IGSF21: variants seen among roughly 807,000 people sequenced by gnomAD.
IGSF21 encodes immunoglobulin superfamily member 21.
IGSF21 carries 28 observed loss-of-function variants against 46.8 expected under a neutral mutation model. That is an observed-to-expected ratio of 0.60 (90% CI 0.44 to 0.82). The LOEUF is 0.82. Ranked by LOEUF, IGSF21 falls within the 40% of genes least tolerant of loss-of-function variation. The pLI, the probability that IGSF21 is intolerant of heterozygous loss-of-function variation, is 0.00. For missense variants in IGSF21, 624 were observed against 665.5 expected (o/e 0.94, Z 0.69); for synonymous variants, 284 against 273.6 (o/e 1.04, Z -0.38).
rs555575314 is a variant in IGSF21 at position 18,242,215 on chromosome 1, T to G, written c.183+14205T>G. ...CTACTCTGAGATGACACAGGCAGCA[T>G]GGTTCACCTACTCTCAGCACGGCAG... On this transcript the variant is annotated intron_variant, in intron 2 of 9. Coordinates refer to ENST00000251296, the MANE Select transcript of IGSF21 (RefSeq NM_032880.5). 1.6e-3 allele frequency among the ~76,000 whole-genome samples: 237 copies of G among 152,268 alleles called. 1 individual carries two copies. Among genetic ancestry groups the G allele is most frequent in the Middle Eastern group, 0.01 (3 of 294 alleles).
intron 1 of IGSF21, among the ~76,000 whole-genome samples, chr1:18,149,629 T>A (rs1194646913): frequency 6.6e-6 from 1 of 150,846 alleles, no homozygotes; most frequent in Non-Finnish European, 1.5e-5. Context: ...CCTGACAGCT[T>A]GGCCCAATAG....
At chr1:18,174,128 C>T (rs996044272) in intron 1 of IGSF21, among the ~76,000 whole-genome samples, 3 of 152,154 alleles carry the variant, frequency 2.0e-5, no homozygotes, top group South Asian at 2.1e-4. Flanking sequence ...CTGTGGCTTG[C>T]GGGGAATCAC....
At chr1:18,196,965 C>T (rs1344860520) in intron 1 of IGSF21, among the ~76,000 whole-genome samples, 1 of 152,188 alleles carries the variant, frequency 6.6e-6, no homozygotes, top group Non-Finnish European at 1.5e-5. Flanking sequence ...CCTCTCTTTT[C>T]CCGGCTTCCC....
At chr1:18,254,848 A>G (rs888294373) in intron 2 of IGSF21, among the ~76,000 whole-genome samples, 3 of 127,788 alleles carry the variant, frequency 2.3e-5, no homozygotes, top group East Asian at 2.8e-4. Context: ...TCTTCTATCC[A>G]TCCATCCATT....
intron 1 of IGSF21, among the ~76,000 whole-genome samples, chr1:18,226,137 G>A (rs2124505017): frequency 6.6e-6 from 1 of 152,324 alleles, no homozygotes; most frequent in East Asian, 1.9e-4. Context: ...CTTTCCGTGG[G>A]GTCTGTCCTC....
At chr1:18,169,439 A>G (rs1367666503) in intron 1 of IGSF21, among the ~76,000 whole-genome samples, 2 of 152,192 alleles carry the variant, frequency 1.3e-5, no homozygotes, top group East Asian at 3.8e-4. Flanking sequence ...TGGGATGCCA[A>G]CCGTGGTGCT....
intron 2 of IGSF21, among the ~76,000 whole-genome samples, chr1:18,237,327 G>A (rs1454647200): frequency 6.6e-6 from 1 of 152,146 alleles, no homozygotes; most frequent in Non-Finnish European, 1.5e-5. Context: ...AGGTCTGAAG[G>A]TATAAAGAAG....
intron 2 of IGSF21, among the ~76,000 whole-genome samples, chr1:18,229,594 C>T (rs993209720): frequency 6.6e-6 from 1 of 152,158 alleles, no homozygotes; most frequent in Non-Finnish European, 1.5e-5. Flanking sequence ...ATTCTAGTGC[C>T]CTCCACCCAA....
At chr1:18,319,450 T>C (rs223213) in intron 3 of IGSF21, among the ~76,000 whole-genome samples, 8,366 of 152,296 alleles carry the variant, frequency 0.055, 804 homozygotes, top group African/African-American at 0.19. Context: ...ATAGTAACTA[T>C]TACTATGAAA....
At chr1:18,361,194 T>G (rs577896233) in intron 4 of IGSF21, among the ~76,000 whole-genome samples, 1 of 152,162 alleles carries the variant, frequency 6.6e-6, no homozygotes, top group Non-Finnish European at 1.5e-5. Flanking sequence ...TTCAGTCTCT[T>G]CCAAATGCAA....
At chr1:18,359,774 G>A (rs1319568850) in intron 4 of IGSF21, among the ~76,000 whole-genome samples, 22 of 152,182 alleles carry the variant, frequency 1.4e-4, no homozygotes, top group African/African-American at 2.4e-5. Flanking sequence ...GTTCCTGATG[G>A]AATTTGATTA....
In IGSF21 at chr1:18,365,604, A is replaced by T; in HGVS notation, c.922A>T (p.Thr308Ser). 6.2e-7 allele frequency: 1 copy of T among 1,614,122 alleles called. No individual in the cohort carries two copies. Among genetic ancestry groups the T allele is most frequent in the South Asian group, 1.1e-5 (1 of 91,068 alleles). Residue 308 changes from threonine (T) to serine (S), a missense_variant, in exon 6 of 10, where the codon ACC becomes TCC. Thr to Ser is a moderately conservative substitution (Grantham distance 58). Coordinates refer to ENST00000251296, the MANE Select transcript of IGSF21 (RefSeq NM_032880.5). The surrounding 1 kb of genome is among the most constrained non-coding windows in gnomAD (Gnocchi z 4.8). ...GGAAGTACGTGCCCTGCTCACCTGG[A>T]CCCTCAACCCACAGATCGACAACGA... ...TVEVRALLTW[T>S]LNPQIDNEAL...
At chr1:18,231,265 A>G (rs2084623557) in intron 2 of IGSF21, among the ~76,000 whole-genome samples, 1 of 152,200 alleles carries the variant, frequency 6.6e-6, no homozygotes. Flanking sequence ...AACATCATGA[A>G]TGCATTGGAT....
chr1:18,216,079 C>T (rs907475172), intron 1 of IGSF21, among the ~76,000 whole-genome samples: 6 of 152,134 alleles, frequency 3.9e-5, no homozygotes, highest in Admixed American at 3.3e-4. Context: ...TGGGCTGTGA[C>T]TGAGATGTTT....
chr1:18,327,106 A>G (rs72938720), intron 3 of IGSF21, among the ~76,000 whole-genome samples: 262 of 152,304 alleles, frequency 1.7e-3, no homozygotes, highest in African/African-American at 6.1e-3. Flanking sequence ...GTAGCTCCCC[A>G]TTCTTCCTCT....
At chr1:18,173,461 C>T (rs11260947) in intron 1 of IGSF21, among the ~76,000 whole-genome samples, 140,469 of 152,282 alleles carry the variant, frequency 0.92, 65,191 homozygotes, top group East Asian at 1. Flanking sequence ...AGTCCCATCA[C>T]GGACCTTTTG....
At position 18,334,179 on chromosome 1, in the gene IGSF21, C is replaced by T. The variant is rs75725142; in HGVS notation, c.306-713C>T. On this transcript the variant is annotated intron_variant, in intron 3 of 9. Coordinates refer to ENST00000251296, the MANE Select transcript of IGSF21 (RefSeq NM_032880.5). The surrounding 1 kb of genome is among the most constrained non-coding windows in gnomAD (Gnocchi z 4.3). ...CTCTTCTGAGACACCCTCCCAACTACCTCAGAGGTGGAAGTGGCTGCTCCC... is the reference window on the plus strand; with the variant it reads ...CTCTTCTGAGACACCCTCCCAACTATCTCAGAGGTGGAAGTGGCTGCTCCC... 0.012 allele frequency among the ~76,000 whole-genome samples: 1,824 copies of T among 152,292 alleles called. 34 individuals carry two copies. Among genetic ancestry groups the T allele is most frequent in the African/African-American group, 0.042 (1,742 of 41,566 alleles).
At chr1:18,366,429 T>C (rs2086165275) in intron 6 of IGSF21, among the ~76,000 whole-genome samples, 1 of 151,936 alleles carries the variant, frequency 6.6e-6, no homozygotes, top group Non-Finnish European at 1.5e-5. Context: ...GAGAGGAACC[T>C]TGAGGTCATG....
chr1:18,208,199 G>C (rs573100546), intron 1 of IGSF21, among the ~76,000 whole-genome samples: 1 of 151,540 alleles, frequency 6.6e-6, no homozygotes, highest in South Asian at 2.1e-4. Flanking sequence ...GGCCTGGTGG[G>C]CATGCTGAAA....
Sources: allele counts gnomAD v4.1 joint callset (sites outside exome capture counted in the v4.1 genomes callset), GRCh38; gene constraint gnomAD v4.1.1; non-coding constraint Gnocchi (gnomAD v3.1); transcripts MANE v1.5; gene names NCBI Gene and HGNC (gene_info 2026-07-23, HGNC 2026-07-21).